Variants in COL25A1 observed in about 807,000 individuals in gnomAD.
COL25A1 encodes the protein collagen type XXV alpha 1 chain.
A neutral mutation model predicts 128.4 loss-of-function variants in COL25A1; 103 were observed. The ratio of observed to expected loss-of-function variants is 0.80; its 90% CI spans 0.68 to 0.94. COL25A1 has a LOEUF of 0.94. Ranked by LOEUF, COL25A1 falls within the 40% of genes least tolerant of loss-of-function variation. The pLI, the probability that COL25A1 is intolerant of heterozygous loss-of-function variation, is 0.00. For synonymous variants in COL25A1, 279 were observed against 277.2 expected, an observed-to-expected ratio of 1.01 and a Z score of -0.06; for missense variants, 745 against 840.0, an observed-to-expected ratio of 0.89 and a Z score of 1.40.
chr4:108,977,809 C>T (rs1000041715), intron 6 of COL25A1, among the ~76,000 whole-genome samples: 1 of 152,160 alleles, frequency 6.6e-6, no homozygotes, highest in African/African-American at 2.4e-5. Context: ...GAAAAAACGA[C>T]CTCTACAAAA....
intron 3 of COL25A1, among the ~76,000 whole-genome samples, chr4:109,258,540 T>C (rs2126252722): frequency 6.6e-6 from 1 of 152,332 alleles, no homozygotes; most frequent in East Asian, 1.9e-4. Context: ...ATAAGTTCTT[T>C]AAAAATATCA....
chr4:109,287,131 T>C (rs1467782116), intron 3 of COL25A1, among the ~76,000 whole-genome samples: 1 of 152,210 alleles, frequency 6.6e-6, no homozygotes, highest in African/African-American at 2.4e-5. Context: ...ACTGGAATTA[T>C]GAGTTCAAAT....
chr4:108,997,808 G>A (rs1410234646), intron 6 of COL25A1, among the ~76,000 whole-genome samples: 2 of 152,172 alleles, frequency 1.3e-5, no homozygotes, highest in African/African-American at 4.8e-5. Context: ...TGGGATGCAA[G>A]GCTTGTTCAA....
rs1346083977 is a variant in COL25A1 at position 108,963,832 on chromosome 4, T to C, written c.492+10535A>G. On this transcript the variant is annotated intron_variant, in intron 8 of 37. Transcript: ENST00000399132. ...CATATACAAATATATTCTCTTTCGA[T>C]TAAAATATGTCATTCTACTTAATTT... Among the ~76,000 whole-genome samples, 3 of 151,480 alleles carry C rather than the reference T, an allele frequency of 2.0e-5. 1 individual carries two copies. The East Asian group carries it at 5.8e-4, about 29-fold the overall frequency.
intron 3 of COL25A1, among the ~76,000 whole-genome samples, chr4:109,204,252 A>C (rs1420462741): frequency 1.3e-5 from 2 of 152,174 alleles, no homozygotes; most frequent in Non-Finnish European, 2.9e-5. Context: ...TCAAAGGAAA[A>C]TATTATATCC....
intron 19 of COL25A1, among the ~76,000 whole-genome samples, chr4:108,871,130 T>C (rs1738655688): frequency 6.6e-6 from 1 of 152,202 alleles, no homozygotes; most frequent in Non-Finnish European, 1.5e-5. Flanking sequence ...TTCTTCCTTT[T>C]TAAAAAATAG....
intron 29 of COL25A1, 107 bp downstream of exon 29, chr4:108,845,082 G>C: frequency 4.4e-6 from 4 of 916,884 alleles, no homozygotes; most frequent in Non-Finnish European, 7.3e-6. Flanking sequence ...GAGGTTTGAG[G>C]TCTGTCTACT....
chr4:109,241,600 T>C (rs993717117), intron 3 of COL25A1, among the ~76,000 whole-genome samples: 3 of 147,498 alleles, frequency 2.0e-5, no homozygotes, highest in Non-Finnish European at 4.5e-5. Context: ...ATGTGCTAAG[T>C]CAAATCTATG....
intron 3 of COL25A1, among the ~76,000 whole-genome samples, chr4:109,290,542 G>C (rs992297557): frequency 2.0e-5 from 3 of 152,104 alleles, no homozygotes; most frequent in Non-Finnish European, 4.4e-5. Context: ...AGTCACACTT[G>C]TCAGACTTGC....
intron 3 of COL25A1, among the ~76,000 whole-genome samples, chr4:109,273,985 G>C (rs911744907): frequency 6.6e-6 from 1 of 152,062 alleles, no homozygotes; most frequent in Non-Finnish European, 1.5e-5. Flanking sequence ...ATACTTGTTG[G>C]AAATCATTTA....
intron 5 of COL25A1, among the ~76,000 whole-genome samples, chr4:109,015,396 C>A (rs561953474): frequency 6.6e-6 from 1 of 152,066 alleles, no homozygotes; most frequent in African/African-American, 2.4e-5. Flanking sequence ...CAAAACACAC[C>A]GTAAGTTGCC....
intron 3 of COL25A1, among the ~76,000 whole-genome samples, chr4:109,165,198 T>C (rs2126124191): frequency 6.6e-6 from 1 of 152,274 alleles, no homozygotes; most frequent in African/African-American, 2.4e-5. Context: ...GAAAGGGCGA[T>C]TTAAATTTTT....
chr4:109,199,404 G>A (rs1776375369), intron 3 of COL25A1, among the ~76,000 whole-genome samples: 1 of 152,044 alleles, frequency 6.6e-6, no homozygotes, highest in Non-Finnish European at 1.5e-5. Flanking sequence ...CTTGGCCTTT[G>A]CAAGTGTTGG....
chr4:108,977,606 A>G (rs1286521456), intron 6 of COL25A1, among the ~76,000 whole-genome samples: 1 of 152,210 alleles, frequency 6.6e-6, no homozygotes. Flanking sequence ...GTCTTGATTT[A>G]AGTAGCATGT....
At chr4:108,825,409 T>C (rs564260840) in intron 33 of COL25A1, among the ~76,000 whole-genome samples, 187 bp from the exon 34 acceptor site, 1 of 152,316 alleles carries the variant, frequency 6.6e-6, no homozygotes, top group South Asian at 2.1e-4. Flanking sequence ...TTTTATATTA[T>C]ATATAGGGTT....
intron 13 of COL25A1, among the ~76,000 whole-genome samples, chr4:108,913,950 G>A (rs1409977209): frequency 2.0e-5 from 3 of 152,210 alleles, no homozygotes; most frequent in East Asian, 3.9e-4. Flanking sequence ...GCATGGTGGG[G>A]GAAAGAATAA....
intron 3 of COL25A1, among the ~76,000 whole-genome samples, chr4:109,179,431 T>C (rs569420306): frequency 2.0e-4 from 31 of 152,372 alleles, no homozygotes; most frequent in African/African-American, 7.5e-4. Flanking sequence ...CTAATATGCA[T>C]TCGTGATCCT....
At chr4:109,093,499 T>C (rs925783210) in intron 3 of COL25A1, among the ~76,000 whole-genome samples, 3 of 148,586 alleles carry the variant, frequency 2.0e-5, no homozygotes, top group Non-Finnish European at 3.0e-5. Flanking sequence ...TAGTTAACTG[T>C]GGTGGTGTGC....
Position 108,813,771 on chromosome 4 carries a change from T to A in COL25A1, c.*156A>T, listed in dbSNP as rs1730996675. On this transcript the variant is annotated 3_prime_UTR_variant, in exon 38 of 38. Transcript: ENST00000399132. ...CAAATTGCCCAATTTCAGATGTAAG[T>A]GGAGTAAAAATGGACATGTATACTA... 1 of 595,464 alleles carries A rather than the reference T, an allele frequency of 1.7e-6. No individual in the cohort carries two copies. Among genetic ancestry groups the A allele is most frequent in the African/African-American group, 1.9e-5 (1 of 53,328 alleles). The allele number at this position is 595,464 out of a possible 1,614,324, so 36.9% of individuals were successfully genotyped here.
Sources: gnomAD v4.1 joint callset for allele counts (sites outside exome capture counted in the v4.1 genomes callset) on GRCh38, gnomAD v4.1.1 for gene constraint, MANE v1.5 for transcripts, NCBI Gene and HGNC (gene_info 2026-07-23, HGNC 2026-07-21) for gene names.